The following NRCAM variants were observed in gnomAD, a reference collection of about 807,000 sequenced individuals.
The protein encoded by NRCAM is NgCAM-related cell adhesion molecule.
Under a neutral mutation model 156.5 loss-of-function variants are expected in NRCAM, and 83 were observed. The ratio of observed to expected loss-of-function variants is 0.53; its 90% CI spans 0.44 to 0.64. NRCAM has a LOEUF of 0.64. Among genes scored for constraint, NRCAM ranks in the 30% least tolerant of loss-of-function variants. The probability of loss-of-function intolerance (pLI) is 0.00; values close to 1 mark genes in which losing one functional copy is unlikely to be tolerated. For synonymous variants in NRCAM, 538 were observed against 563.9 expected (o/e 0.95, Z 0.65); for missense variants, 1,417 against 1,597.3 (o/e 0.89, Z 1.92).
chr7:108,350,884 T>C (rs1312195813), intron 2 of NRCAM, among the ~76,000 whole-genome samples: 3 of 152,196 alleles, frequency 2.0e-5, no homozygotes, highest in African/African-American at 7.2e-5. Flanking sequence ...TTTGGGTACT[T>C]GTTGATTGGG....
At chr7:108,173,001 T>C (rs2059100349) in intron 28 of NRCAM, among the ~76,000 whole-genome samples, 3 of 126,686 alleles carry the variant, frequency 2.4e-5, no homozygotes, top group African/African-American at 7.8e-5. Context: ...TTTTTTTTTT[T>C]TTTGAGATGG....
intron 8 of NRCAM, among the ~76,000 whole-genome samples, chr7:108,230,760 A>T (rs1388783478): frequency 1.3e-5 from 2 of 151,754 alleles, no homozygotes; most frequent in African/African-American, 4.8e-5. Flanking sequence ...GCCAACAAAC[A>T]CAGATTTTCT....
chr7:108,203,923 G>C (rs1277029879), intron 13 of NRCAM, among the ~76,000 whole-genome samples: 8 of 152,156 alleles, frequency 5.3e-5, no homozygotes, highest in African/African-American at 1.9e-4. Flanking sequence ...TGAAGGCAAG[G>C]AGTCTTCATT....
chr7:108,206,740 C>T (rs1230286249), intron 13 of NRCAM, among the ~76,000 whole-genome samples: 1 of 152,090 alleles, frequency 6.6e-6, no homozygotes, highest in Non-Finnish European at 1.5e-5. Context: ...AAGCCTTTAG[C>T]CAAGTTTTGT....
At chr7:108,152,867 A>G (rs1399763547) in intron 32 of NRCAM, among the ~76,000 whole-genome samples, 5 of 152,174 alleles carry the variant, frequency 3.3e-5, no homozygotes, top group African/African-American at 9.6e-5. Context: ...GTGGTATAAA[A>G]TGCTCAGATT....
chr7:108,359,033 T>C (rs922182783), intron 2 of NRCAM, among the ~76,000 whole-genome samples: 3 of 152,236 alleles, frequency 2.0e-5, no homozygotes, highest in Non-Finnish European at 2.9e-5. Context: ...CCATATTTTG[T>C]CTAGTTCATT....
chr7:108,260,046 T>C (rs1202455798), intron 3 of NRCAM, among the ~76,000 whole-genome samples: 2 of 143,388 alleles, frequency 1.4e-5, no homozygotes, highest in African/African-American at 5.2e-5. Context: ...ACCTCTTAAT[T>C]GTCTGGAGGC....
intron 2 of NRCAM, among the ~76,000 whole-genome samples, chr7:108,383,133 C>T (rs903676257): frequency 1.1e-4 from 10 of 90,518 alleles, no homozygotes; most frequent in East Asian, 1.6e-3. Context: ...CACACACACA[C>T]GCTCTCACAC....
intron 8 of NRCAM, 44 bp downstream of exon 8, chr7:108,230,987 C>T: frequency 6.8e-7 from 1 of 1,479,144 alleles, no homozygotes; most frequent in East Asian, 2.3e-5. Flanking sequence ...TGTAAACAAT[C>T]CTAAGACTTT....
Position 108,232,373 on chromosome 7 carries a change from T to G in NRCAM, c.380A>C (p.Asn127Thr). ...YEGVYQCTAR[N>T]ERGAAVSNNI... is the part of the protein sequence containing the mutation. ...ATTAGAAACTGCAGCTCCGCGTTCG[T>G]TCCTTGCTGTACACTGATAGACTCC... is the stretch of plus-strand genomic sequence containing the variant. The change falls in exon 7 of 33, where the codon AAC becomes ACC. Residue 127 changes from asparagine to threonine, a missense_variant. Around this residue, in one of 2 missense-constraint regions of NRCAM, gnomAD observed 1,238 missense variants for 1,336.4 expected, o/e 0.93. Transcript: ENST00000379028. The G allele has an allele frequency of 6.2e-7, 1 of 1,611,150 alleles. No individual in the cohort carries two copies. The highest frequency in any genetic ancestry group is 8.5e-7 in the Non-Finnish European group (1 of 1,179,082).
At chr7:108,357,334 CT>C (rs35117899) in intron 2 of NRCAM, among the ~76,000 whole-genome samples, 747 of 141,480 alleles carry the variant, frequency 5.3e-3, no homozygotes, top group Middle Eastern at 0.019. Flanking sequence ...GTGGGGCCAA[CT>C]TTTTTTTTTT....
chr7:108,429,445 G>T (rs998682959), intron 1 of NRCAM, among the ~76,000 whole-genome samples: 1 of 152,130 alleles, frequency 6.6e-6, no homozygotes, highest in Non-Finnish European at 1.5e-5. Flanking sequence ...ACCCATCTTT[G>T]CCTCCCAAAC....
chr7:108,350,086 G>A (rs1238321350), intron 2 of NRCAM, among the ~76,000 whole-genome samples: 1 of 152,040 alleles, frequency 6.6e-6, no homozygotes, highest in African/African-American at 2.4e-5. Flanking sequence ...CCTTCCACTG[G>A]AGAGCCTTCC....
chr7:108,456,135 G>A (rs1364446356), intron 1 of NRCAM, 108 bp downstream of exon 1: 1 of 152,506 alleles, frequency 6.6e-6, no homozygotes, highest in South Asian at 2.1e-4. Context: ...TGAACCCCGC[G>A]GCGGTGTCCA....
intron 2 of NRCAM, among the ~76,000 whole-genome samples, chr7:108,353,418 T>C (rs187102525): frequency 2.6e-5 from 4 of 152,212 alleles, no homozygotes; most frequent in East Asian, 3.9e-4. Context: ...AGTGGTGTGA[T>C]TGTGATCCTC....
At chr7:108,432,560 C>T (rs1201160140) in intron 1 of NRCAM, among the ~76,000 whole-genome samples, 1 of 152,118 alleles carries the variant, frequency 6.6e-6, no homozygotes, top group Non-Finnish European at 1.5e-5. Flanking sequence ...AAGAGGAAAT[C>T]GAAGTGTTCT....
At chr7:108,447,674 G>A (rs1846003317) in intron 1 of NRCAM, among the ~76,000 whole-genome samples, 1 of 152,120 alleles carries the variant, frequency 6.6e-6, no homozygotes, top group African/African-American at 2.4e-5. Context: ...ATTTAAGCAT[G>A]TTACACTGAA....
At chr7:108,220,194 A>T (rs531143900) in intron 11 of NRCAM, among the ~76,000 whole-genome samples, 6 of 152,146 alleles carry the variant, frequency 3.9e-5, no homozygotes, top group Non-Finnish European at 7.4e-5. Context: ...TACAAAAAGA[A>T]ATCACAGACG....
intron 1 of NRCAM, among the ~76,000 whole-genome samples, chr7:108,420,483 T>C (rs1808064641): frequency 6.6e-6 from 1 of 152,198 alleles, no homozygotes; most frequent in Non-Finnish European, 1.5e-5. Flanking sequence ...ACATTTCTTC[T>C]AGCCACAAAT....
Sources: allele counts gnomAD v4.1 joint callset (sites outside exome capture counted in the v4.1 genomes callset), GRCh38; gene constraint gnomAD v4.1.1; regional missense constraint gnomAD v4.1.1; transcripts MANE v1.5; gene names NCBI Gene and HGNC (gene_info 2026-07-23, HGNC 2026-07-21).